SPOCK1: variants seen among roughly 807,000 people sequenced by gnomAD.
SPOCK1 encodes SPARC (osteonectin), cwcv and kazal like domains proteoglycan 1, also known as testican-1.
SPOCK1 carries 23 observed loss-of-function variants against 55.3 expected under a neutral mutation model. That is an observed-to-expected ratio of 0.42 (90% CI 0.30 to 0.59). The LOEUF is 0.59. Ranked by LOEUF, SPOCK1 falls within the 20% of genes least tolerant of loss-of-function variation. SPOCK1 has a pLI of 0.22. For missense variants in SPOCK1, 499 were observed against 552.5 expected (o/e 0.90, Z 0.97); for synonymous variants, 226 against 221.0 (o/e 1.02, Z -0.20).
At chr5:137,198,570 T>C (rs1019114235) in intron 3 of SPOCK1, among the ~76,000 whole-genome samples, 4 of 152,274 alleles carry the variant, frequency 2.6e-5, no homozygotes, top group Admixed American at 2.0e-4. Flanking sequence ...AACTTTTTCA[T>C]GCTAATTGTT....
chr5:137,329,510 T>C (rs1326730316), intron 2 of SPOCK1, among the ~76,000 whole-genome samples: 1 of 152,108 alleles, frequency 6.6e-6, no homozygotes, highest in East Asian at 1.9e-4. Context: ...ACAGTAGAGA[T>C]TTTTTTATGG....
In SPOCK1 at chr5:136,975,457, A is replaced by G. The variant is rs1275188788; in HGVS notation, c.*3197T>C. ...TAGGTTTTTGCTACATCACTATTTC[A>G]TCTACAATAGGGACAACAAACTGAC... On this transcript the variant is annotated 3_prime_UTR_variant, in exon 11 of 11. Coordinates refer to ENST00000394945, the MANE Select transcript of SPOCK1 (RefSeq NM_004598.4). The G allele has an allele frequency of 2.6e-5, 4 of 152,664 alleles. No homozygotes were observed. The highest frequency in any genetic ancestry group is 7.2e-5 in the African/African-American group (3 of 41,462). The allele number at this position is 152,664 out of a possible 1,614,324, so 9.5% of individuals were successfully genotyped here.
At chr5:137,376,667 G>A (rs1286294932) in intron 2 of SPOCK1, among the ~76,000 whole-genome samples, 2 of 152,096 alleles carry the variant, frequency 1.3e-5, no homozygotes, top group African/African-American at 4.8e-5. Context: ...TAAGCCTTAT[G>A]GGAAAAGTAA....
chr5:137,364,653 G>C (rs1408128454), intron 2 of SPOCK1, among the ~76,000 whole-genome samples: 1 of 152,174 alleles, frequency 6.6e-6, no homozygotes, highest in Non-Finnish European at 1.5e-5. Flanking sequence ...GGGACTGTAT[G>C]AAAAGGGCAA....
At chr5:137,279,990 G>A (rs1356904353) in intron 2 of SPOCK1, among the ~76,000 whole-genome samples, 1 of 152,156 alleles carries the variant, frequency 6.6e-6, no homozygotes, top group Admixed American at 6.5e-5. Flanking sequence ...CTCTGAAGGT[G>A]AGCTCATAGG....
At chr5:137,422,431 G>A (rs7723355) in intron 2 of SPOCK1, among the ~76,000 whole-genome samples, 140,009 of 152,262 alleles carry the variant, frequency 0.92, 65,139 homozygotes, top group East Asian at 1. Flanking sequence ...CCAATCAGAC[G>A]TAGATTTGAT....
chr5:137,443,223 A>C (rs1479279780), intron 2 of SPOCK1, among the ~76,000 whole-genome samples: 1 of 152,130 alleles, frequency 6.6e-6, no homozygotes, highest in African/African-American at 2.4e-5. Flanking sequence ...GCAGATTTAC[A>C]AAGTGAGGGA....
At chr5:137,259,280 A>C (rs1289328799) in intron 3 of SPOCK1, among the ~76,000 whole-genome samples, 1 of 152,236 alleles carries the variant, frequency 6.6e-6, no homozygotes, top group African/African-American at 2.4e-5. Context: ...AAAATGTGGC[A>C]CATATACACC....
intron 3 of SPOCK1, among the ~76,000 whole-genome samples, chr5:137,152,707 C>T (rs566120699): frequency 1.2e-4 from 19 of 152,280 alleles, no homozygotes; most frequent in Non-Finnish European, 2.8e-4. Flanking sequence ...CTGTCTTCTA[C>T]AGTCTGGCTT....
At chr5:137,328,554 G>A (rs543520994) in intron 2 of SPOCK1, among the ~76,000 whole-genome samples, 7 of 152,306 alleles carry the variant, frequency 4.6e-5, no homozygotes, top group South Asian at 2.1e-4. Context: ...TAATACTGAC[G>A]CTAGTCACTG....
intron 6 of SPOCK1, among the ~76,000 whole-genome samples, chr5:136,995,674 A>G (rs971538471): frequency 6.6e-6 from 1 of 152,240 alleles, no homozygotes; most frequent in African/African-American, 2.4e-5. Flanking sequence ...CTCATGCTTC[A>G]AGATGAATTA....
At position 137,018,179 on chromosome 5, in the gene SPOCK1, C is replaced by G. The variant is rs1356315591; in HGVS notation, c.590-25579G>C. On this transcript the variant is annotated intron_variant, in intron 6 of 10. Coordinates refer to ENST00000394945, the MANE Select transcript of SPOCK1 (RefSeq NM_004598.4). ...TGTTAACATCTTATAATGCACAGAT[C>G]AGCCCCCAGCACAGAAAAATCATCC... Among the ~76,000 whole-genome samples the G allele has an allele frequency of 2.0e-5, 3 of 152,202 alleles. No homozygotes were observed. In the East Asian group the frequency reaches 5.8e-4, roughly 29 times the overall value.
At chr5:137,038,434 G>C (rs1751926664) in intron 6 of SPOCK1, among the ~76,000 whole-genome samples, 1 of 152,174 alleles carries the variant, frequency 6.6e-6, no homozygotes, top group African/African-American at 2.4e-5. Flanking sequence ...TCCTCCTGTA[G>C]AAATATTTTA....
chr5:137,220,671 G>A (rs930588912), intron 3 of SPOCK1, among the ~76,000 whole-genome samples: 3 of 152,216 alleles, frequency 2.0e-5, no homozygotes, highest in Non-Finnish European at 4.4e-5. Context: ...CTAAGGACAA[G>A]GACTGAGTCA....
chr5:137,290,193 A>G (rs1757346662), intron 2 of SPOCK1, among the ~76,000 whole-genome samples: 1 of 152,188 alleles, frequency 6.6e-6, no homozygotes, highest in Non-Finnish European at 1.5e-5. Flanking sequence ...CATTTGAAAA[A>G]ACTCAAATAT....
chr5:137,216,349 C>A (rs1755715476), intron 3 of SPOCK1, among the ~76,000 whole-genome samples: 3 of 152,170 alleles, frequency 2.0e-5, no homozygotes, highest in Non-Finnish European at 2.9e-5. Context: ...AAATACTCAC[C>A]CAGGGCAGCC....
At chr5:137,202,265 A>C (rs1755440806) in intron 3 of SPOCK1, among the ~76,000 whole-genome samples, 1 of 152,260 alleles carries the variant, frequency 6.6e-6, no homozygotes, top group Non-Finnish European at 1.5e-5. Context: ...ACTGAAAGAA[A>C]GAAGTCATGG....
intron 3 of SPOCK1, among the ~76,000 whole-genome samples, chr5:137,257,511 G>C (rs1008779204): frequency 2.0e-5 from 3 of 152,172 alleles, no homozygotes; most frequent in African/African-American, 7.2e-5. Context: ...CCAGCACCCA[G>C]TTATGCTGGC....
At chr5:137,160,579 T>C (rs1284012483) in intron 3 of SPOCK1, among the ~76,000 whole-genome samples, 1 of 60,126 alleles carries the variant, frequency 1.7e-5, no homozygotes, top group Non-Finnish European at 2.9e-5. Flanking sequence ...TATTATATAA[T>C]ATATATAATA....
Sources: gnomAD v4.1 joint callset for allele counts (sites outside exome capture counted in the v4.1 genomes callset) on GRCh38, gnomAD v4.1.1 for gene constraint, MANE v1.5 for transcripts, NCBI Gene and HGNC (gene_info 2026-07-23, HGNC 2026-07-21) for gene names.